Variants in PDZD7 observed in about 807,000 individuals in gnomAD.
PDZD7 encodes the protein PDZ domain containing 7.
PDZD7 carries 72 observed loss-of-function variants against 84.7 expected under a neutral mutation model. The observed-to-expected ratio is 0.85, with a 90% CI of 0.70 to 1.03. The LOEUF (loss-of-function observed/expected upper bound fraction) is 1.03. Ranked by LOEUF, PDZD7 falls within the 50% of genes least tolerant of loss-of-function variation. PDZD7 has a pLI of 0.00. For synonymous variants in PDZD7, 594 were observed against 580.7 expected (o/e 1.02, Z -0.33); for missense variants, 1,490 against 1,412.9 (o/e 1.05, Z -0.87).
intron 15 of PDZD7, 39 bp from the exon 16 acceptor site, chr10:101,009,389 G>A: frequency 3.3e-6 from 5 of 1,496,364 alleles, no homozygotes; most frequent in Non-Finnish European, 4.5e-6. Flanking sequence ...AGTGCAGCCG[G>A]ACCCCAAAAT....
chr10:101,008,934 C>T, intron 16 of PDZD7, 84 bp from the exon 17 acceptor site: 1 of 1,419,348 alleles, frequency 7.0e-7, no homozygotes, highest in Non-Finnish European at 9.2e-7. Flanking sequence ...ATCTTCTCAC[C>T]TCCACCCATG....
At position 101,015,790 on chromosome 10, in the gene PDZD7, A is replaced by C; in HGVS notation, c.1595T>G (p.Leu532Arg). ...LRRDQERGRA[L>R]LSARSGSPSS... ...GGGACTCCCAGACCTGGCAGACAGCAGGGCCCGGCCCCTCTCCTGGTCTGC... is the reference window on the plus strand; with the variant it reads ...GGGACTCCCAGACCTGGCAGACAGCCGGGCCCGGCCCCTCTCCTGGTCTGC... Residue 532 changes from leucine (L) to arginine (R), a missense_variant, in exon 11 of 17, where the codon CTG becomes CGG. Transcript: ENST00000619208. The C allele has an allele frequency of 6.5e-7, 1 of 1,549,184 alleles. No individual in the cohort carries two copies. The highest frequency in any genetic ancestry group is 8.7e-7 in the Non-Finnish European group (1 of 1,146,732).
At chr10:101,011,855 T>C (rs745341160) in intron 13 of PDZD7, 70 bp downstream of exon 13, 158 of 1,549,422 alleles carry the variant, frequency 1.0e-4, no homozygotes, top group Non-Finnish European at 1.3e-4. Flanking sequence ...TGCAGCCCTC[T>C]CCACCACGGG....
At position 101,025,522 on chromosome 10, in the gene PDZD7, TTTTATTTA is replaced by T. The variant is rs59545181; in HGVS notation, c.227-1462_227-1455del. On this transcript the variant is annotated intron_variant, in intron 2 of 16. Coordinates refer to ENST00000619208, the MANE Select transcript of PDZD7 (RefSeq NM_001195263.2). Reference sequence around the variant, plus strand: ...CACCCCAGCCTTGAAATGGAAGGGATTTTATTTATTTATTTATTTATTTATTTATTTAT... The same window carrying T: ...CACCCCAGCCTTGAAATGGAAGGGATTTTATTTATTTATTTATTTATTTAT... Among the ~76,000 whole-genome samples, 313 of 138,040 alleles carry T rather than the reference TTTTATTTA, an allele frequency of 2.3e-3. 2 individuals carry two copies. Among genetic ancestry groups the T allele is most frequent in the African/African-American group, 5.3e-3 (192 of 36,132 alleles). The allele number at this position is 138,040 out of a possible 152,430, so 90.6% of individuals were successfully genotyped here.
intron 8 of PDZD7, 54 bp downstream of exon 8, chr10:101,018,768 A>G (rs1011817398): frequency 6.6e-7 from 1 of 1,515,038 alleles, no homozygotes; most frequent in Non-Finnish European, 8.8e-7. Context: ...GATGTGAGAC[A>G]GGTTTTGGAC....
Position 101,012,204 on chromosome 10 carries a change from C to T in PDZD7, c.1804G>A (p.Asp602Asn), listed in dbSNP as rs1381623149. 1.0e-5 allele frequency: 16 copies of T among 1,550,442 alleles called. No homozygotes were observed. Among genetic ancestry groups the T allele is most frequent in the Non-Finnish European group, 1.4e-5 (16 of 1,146,982 alleles). ...DLVRPLLAIL[D>N]RPEKLLLLQD... is the part of the protein sequence containing the mutation. ...AGCAGTAGCAGCTTCTCCGGCCTGT[C>T]GAGGATGGCCAGCAGGGGCCTCACC... is the stretch of plus-strand genomic sequence containing the variant. The change falls in exon 12 of 17, where the codon GAC becomes AAC. Residue 602 changes from aspartate to asparagine, a missense_variant. Asp to Asn is a conservative substitution (Grantham distance 23). Coordinates refer to ENST00000619208, the MANE Select transcript of PDZD7 (RefSeq NM_001195263.2).
At chr10:101,016,126 C>A (rs1465715227) in intron 10 of PDZD7, among the ~76,000 whole-genome samples, 1 of 152,212 alleles carries the variant, frequency 6.6e-6, no homozygotes, top group East Asian at 1.9e-4. Flanking sequence ...TCATCACCCC[C>A]AAATATATCT....
At chr10:101,023,381 G>A in intron 4 of PDZD7, 55 bp downstream of exon 4, 2 of 1,609,164 alleles carry the variant, frequency 1.2e-6, no homozygotes, top group Non-Finnish European at 1.7e-6. Flanking sequence ...GGTGTTGGTA[G>A]GGTTGGGGTG....
In PDZD7 at chr10:101,019,130, G is replaced by A. The variant is rs1852899105; in HGVS notation, c.1016C>T (p.Ser339Leu). 6.5e-7 allele frequency: 1 copy of A among 1,547,098 alleles called. No individual in the cohort carries two copies. Among genetic ancestry groups the A allele is most frequent in the African/African-American group, 1.4e-5 (1 of 73,944 alleles). Residue 339 changes from serine to leucine, a missense_variant, in exon 8 of 17, where the codon TCG (serine) becomes TTG (leucine). By Grantham distance (145) the Ser-to-Leu change is moderately radical. Transcript: ENST00000619208. ...CATGCGGTCCGACGGCAGGGAGCCC[G>A]AGCTGTAGGGGGCGCTGGAGGCGCA... ...SSCASSAPYS[S>L]GSLPSDRMDI...
intron 2 of PDZD7, among the ~76,000 whole-genome samples, chr10:101,024,855 G>GT (rs1937610789): frequency 6.6e-6 from 1 of 151,768 alleles, no homozygotes; most frequent in Non-Finnish European, 1.5e-5. Flanking sequence ...GTGTGTGTGT[G>GT]TGTGTGTGTA....
intron 11 of PDZD7, among the ~76,000 whole-genome samples, chr10:101,014,160 A>G (rs1008614392): frequency 6.6e-6 from 1 of 151,924 alleles, no homozygotes; most frequent in Admixed American, 6.6e-5. Context: ...TGCCTGGCCA[A>G]CCAGACAGGG....
intron 7 of PDZD7, among the ~76,000 whole-genome samples, chr10:101,019,594 C>T (rs1852956593): frequency 6.8e-6 from 1 of 146,492 alleles, no homozygotes; most frequent in African/African-American, 2.5e-5. Context: ...TCCTCTTCTT[C>T]TTCTTCTTCT....
intron 11 of PDZD7, among the ~76,000 whole-genome samples, 193 bp from the exon 12 acceptor site, chr10:101,012,451 G>A (rs1440545705): frequency 6.6e-6 from 1 of 152,230 alleles, no homozygotes; most frequent in East Asian, 1.9e-4. Context: ...GAAGCCTGCA[G>A]TAATAACAGA....
Position 101,009,305 on chromosome 10 carries a change from A to G in PDZD7, c.2663T>C (p.Val888Ala). The stretch of plus-strand genomic sequence containing the variant: ...CCCAGGGAAGATCTTCTCTATCTTC[A>G]CCATGGGCTGCACCTTGGACTCAAT... ...GGIESKVQPM[V>A]KIEKIFPGGA... is the part of the protein sequence containing the mutation. Residue 888 changes from valine to alanine, a missense_variant, in exon 16 of 17, where the codon GTG becomes GCG. By Grantham distance (64) the Val-to-Ala change is moderately conservative. Coordinates refer to ENST00000619208, the MANE Select transcript of PDZD7 (RefSeq NM_001195263.2). 1 of 1,536,014 alleles carries G rather than the reference A, an allele frequency of 6.5e-7. No homozygotes were observed. Among genetic ancestry groups the G allele is most frequent in the African/African-American group, 1.4e-5 (1 of 73,114 alleles).
chr10:101,019,603 C>G (rs554682460), intron 7 of PDZD7, among the ~76,000 whole-genome samples: 2 of 144,968 alleles, frequency 1.4e-5, no homozygotes, highest in African/African-American at 4.9e-5. Flanking sequence ...TCTTCTTCTT[C>G]TTCCTCCTCT....
intron 8 of PDZD7, 33 bp from the exon 9 acceptor site, chr10:101,018,329 A>G (rs891295256): frequency 6.9e-7 from 1 of 1,448,954 alleles, no homozygotes; most frequent in Non-Finnish European, 9.4e-7. Flanking sequence ...GGGGAGCTGG[A>G]GGGGTGGGCA....
chr10:101,018,101 T>C lies in PDZD7; in HGVS notation c.1520A>G (p.Lys507Arg), dbSNP rs771508028. The change falls in exon 9 of 17, where the codon AAA becomes AGA. Residue 507 changes from lysine (K) to arginine (R), a missense_variant and splice_region_variant. By Grantham distance (26) the Lys-to-Arg change is conservative. Transcript: ENST00000619208. ...TGTTTGATCAGCCCACTACTTACCT[T>C]TCTCTATGTCCAGGCGAGGGTAAGT... ...AKTYPRLDIE[K>R]AGGVGPVQKF... The C allele has an allele frequency of 1.2e-6, 2 of 1,614,020 alleles. No homozygotes were observed. Among genetic ancestry groups the C allele is most frequent in the East Asian group, 2.2e-5 (1 of 44,886 alleles).
At position 101,020,475 on chromosome 10, in the gene PDZD7, C is replaced by A. The variant is rs773668897; in HGVS notation, c.928+143G>T. The A allele has an allele frequency of 4.0e-6, 3 of 755,798 alleles. No individual in the cohort carries two copies. In the South Asian group the frequency reaches 4.5e-5, roughly 11 times the overall value. 46.8% of individuals were successfully genotyped at this position (755,798 alleles called of 1,614,324 possible). A position where few individuals can be genotyped will look rare whatever the true frequency, so the allele number is the denominator to read the frequency against. Reference sequence around the variant, plus strand: ...CTGGTCTTGAACTCCTGTACTCAAGCGATCCTCCCACCTCAGCCTCCCAAA... The same window carrying A: ...CTGGTCTTGAACTCCTGTACTCAAGAGATCCTCCCACCTCAGCCTCCCAAA... On this transcript the variant is annotated intron_variant, in intron 7 of 16. Transcript: ENST00000619208.
In PDZD7 at chr10:101,018,874, G is replaced by T; in HGVS notation, c.1272C>A (p.Leu424=). The part of the protein sequence containing the change: ...ESPKTALLLA[L]SRPRPPITRS... The stretch of plus-strand genomic sequence containing the variant: ...GCGTGATGGGGGGCCGGGGTCGGCT[G>T]AGGGCCAGCAGCAAAGCCGTCTTGG... The change falls in exon 8 of 17, where the codon CTC becomes CTA. Residue 424 remains leucine (L), a synonymous_variant. Transcript: ENST00000619208. The T allele has an allele frequency of 6.2e-7, 1 of 1,604,654 alleles. No individual in the cohort carries two copies. Among genetic ancestry groups the T allele is most frequent in the Non-Finnish European group, 8.5e-7 (1 of 1,175,884 alleles).
Sources: allele counts gnomAD v4.1 joint callset (sites outside exome capture counted in the v4.1 genomes callset), GRCh38; gene constraint gnomAD v4.1.1; transcripts MANE v1.5; gene names NCBI Gene and HGNC (gene_info 2026-07-23, HGNC 2026-07-21).